The following ILDR2 variants were observed in gnomAD, a reference collection of about 807,000 sequenced individuals.
The protein encoded by ILDR2 is immunoglobulin-like domain-containing receptor 2.
ILDR2 carries 25 observed loss-of-function variants against 66.8 expected under a neutral mutation model. The ratio of observed to expected loss-of-function variants is 0.37; its 90% CI spans 0.27 to 0.52. The LOEUF is 0.52. ILDR2 is among the 20% of genes least tolerant of loss of function. ILDR2 has a pLI of 0.88. For missense variants in ILDR2, 827 were observed against 876.8 expected (o/e 0.94, Z 0.72); for synonymous variants, 367 against 357.2 (o/e 1.03, Z -0.31).
intron 3 of ILDR2, among the ~76,000 whole-genome samples, chr1:166,950,291 A>G (rs1168653781): frequency 6.6e-6 from 1 of 152,208 alleles, no homozygotes; most frequent in East Asian, 1.9e-4. Flanking sequence ...TCAAAGTTTT[A>G]GCAGGCAACA....
At chr1:166,902,129 G>A (rs1557919124) in intron 2 of ILDR2, among the ~76,000 whole-genome samples, 1 of 152,184 alleles carries the variant, frequency 6.6e-6, no homozygotes, top group African/African-American at 2.4e-5. Flanking sequence ...CAAAGTGCTG[G>A]GATTAGAGGC....
At chr1:166,972,718 G>A (rs1255573042) in intron 1 of ILDR2, among the ~76,000 whole-genome samples, 2 of 152,062 alleles carry the variant, frequency 1.3e-5, no homozygotes, top group Non-Finnish European at 2.9e-5. Flanking sequence ...GAAGGGAGAG[G>A]AGGAGAAATA....
chr1:166,927,768 CTA>C (rs759032496), intron 6 of ILDR2, among the ~76,000 whole-genome samples: 8 of 152,182 alleles, frequency 5.3e-5, no homozygotes, highest in East Asian at 3.8e-4. Context: ...AAAATTCAAA[CTA>C]TGTGGATTTT....
chr1:166,921,349 C>A lies in ILDR2; in HGVS notation c.1242G>T (p.Ser414=). 3.8e-6 allele frequency: 6 copies of A among 1,579,116 alleles called. No homozygotes were observed. Among genetic ancestry groups the A allele is most frequent in the Middle Eastern group, 1.7e-4 (1 of 5,962 alleles). Residue 414 remains serine, a synonymous_variant, in exon 9 of 10, where the codon TCG becomes TCT. Transcript: ENST00000271417. The surrounding 1 kb of genome is among the most constrained non-coding windows in gnomAD (Gnocchi z 5.3). The stretch of plus-strand genomic sequence containing the variant: ...GCACCCCCGTGGCGAAGTTCTTCCG[C>A]GACAGCATCTCCGACTTGGAGCGCG... ...SQPRSKSEML[S]RKNFATGVPA...
intron 7 of ILDR2, among the ~76,000 whole-genome samples, chr1:166,926,229 C>G (rs1660278603): frequency 6.6e-6 from 1 of 152,062 alleles, no homozygotes; most frequent in Admixed American, 6.5e-5. Context: ...GACCTCACTT[C>G]CACACCCGCC....
In ILDR2 at chr1:166,935,344, T is replaced by A. The variant is rs1660884296; in HGVS notation, c.837A>T (p.Pro279=). Residue 279 remains proline (P), a synonymous_variant, in exon 6 of 10, where the codon CCA becomes CCT. Transcript: ENST00000271417. ...TGGAGTCACTTGGTGCCAAGGGAGG[T>A]GGATGCGGCTTGTCCATCAGCATGC... is the stretch of plus-strand genomic sequence containing the variant. ...SSGMLMDKPH[P]PPLAPSDSTG... is the part of the protein sequence containing the mutation. The A allele has an allele frequency of 6.2e-7, 1 of 1,613,292 alleles. No individual in the cohort carries two copies. Among genetic ancestry groups the A allele is most frequent in the Non-Finnish European group, 8.5e-7 (1 of 1,179,844 alleles).
chr1:166,896,985 T>C (rs1440177554), intron 2 of ILDR2, among the ~76,000 whole-genome samples: 1 of 152,216 alleles, frequency 6.6e-6, no homozygotes, highest in East Asian at 1.9e-4. Flanking sequence ...TGAAATTACA[T>C]ATGCAGCTTA....
At chr1:166,898,262 A>G (rs766084236) in intron 2 of ILDR2, among the ~76,000 whole-genome samples, 1 of 152,202 alleles carries the variant, frequency 6.6e-6, no homozygotes, top group Non-Finnish European at 1.5e-5. Context: ...CTGGAGACAA[A>G]GACTTAGAAG....
chr1:166,959,918 G>T (rs543593108), intron 1 of ILDR2, among the ~76,000 whole-genome samples: 2 of 152,292 alleles, frequency 1.3e-5, no homozygotes, highest in African/African-American at 4.8e-5. Context: ...AGTAGCTTGG[G>T]GCAGAGACAT....
chr1:166,941,787 T>A (rs1304360038), intron 3 of ILDR2, among the ~76,000 whole-genome samples: 1 of 152,236 alleles, frequency 6.6e-6, no homozygotes, highest in Admixed American at 6.5e-5. Context: ...GTTTTAAACA[T>A]CTCTGGATAT....
intron 2 of ILDR2, among the ~76,000 whole-genome samples, chr1:166,957,468 A>G (rs1662347180): frequency 6.6e-6 from 1 of 152,156 alleles, no homozygotes; most frequent in Admixed American, 6.5e-5. Flanking sequence ...TTTTTCCCCT[A>G]AAACCCGTGT....
At position 166,919,320 on chromosome 1, in the gene ILDR2, C is replaced by T; in HGVS notation, c.*35G>A. 1 of 1,597,410 alleles carries T rather than the reference C, an allele frequency of 6.3e-7. No homozygotes were observed. The highest frequency in any genetic ancestry group is 8.6e-7 in the Non-Finnish European group (1 of 1,165,944). On this transcript the variant is annotated 3_prime_UTR_variant, in exon 10 of 10. Transcript: ENST00000271417. ...TGTGTCTTGTCCCCGTAGTCCATGTCTGATTTCTCATTATCCAGAGAAATG... is the reference window on the plus strand; with the variant it reads ...TGTGTCTTGTCCCCGTAGTCCATGTTTGATTTCTCATTATCCAGAGAAATG...
intron 1 of ILDR2, among the ~76,000 whole-genome samples, chr1:166,959,251 C>T (rs576286506): frequency 6.6e-6 from 1 of 152,218 alleles, no homozygotes; most frequent in African/African-American, 2.4e-5. Flanking sequence ...GTACACCCAG[C>T]ATTTTCTTCT....
chr1:166,900,650 C>T (rs753126768), intron 2 of ILDR2, among the ~76,000 whole-genome samples: 29 of 152,082 alleles, frequency 1.9e-4, no homozygotes, highest in Non-Finnish European at 2.6e-4. Context: ...GTGGCAAAGA[C>T]GGGATTTGAA....
chr1:166,956,900 A>G (rs1662313908), intron 2 of ILDR2, 48 bp from the exon 3 acceptor site: 10 of 1,598,368 alleles, frequency 6.3e-6, no homozygotes, highest in Non-Finnish European at 8.5e-6. Flanking sequence ...TGTCCTCTGA[A>G]AGAAAAACAC....
intron 6 of ILDR2, 45 bp from the exon 7 acceptor site, chr1:166,927,225 CAGG>C (rs1255980410): frequency 3.1e-6 from 4 of 1,296,762 alleles, no homozygotes; most frequent in African/African-American, 3.0e-5. Context: ...AGGAAAATAT[CAGG>C]AGAAGGAGGC....
rs1659921359 is a variant in ILDR2, at chr1:166,921,289, A to G, written c.1302T>C (p.Ala434=). ...GGCGGGGCCGCTGGCCGTAGGAGTCAGCGAAGGCCGCCAGCTCGTCCATGG... is the reference window on the plus strand; with the variant it reads ...GGCGGGGCCGCTGGCCGTAGGAGTCGGCGAAGGCCGCCAGCTCGTCCATGG... ...AVSMDELAAF[A]DSYGQRPRRA... is the part of the protein sequence containing the mutation. Residue 434 remains alanine (A), a synonymous_variant, in exon 9 of 10, where the codon GCT becomes GCC. Coordinates refer to ENST00000271417, the MANE Select transcript of ILDR2 (RefSeq NM_199351.3). The surrounding 1 kb of genome is among the most constrained non-coding windows in gnomAD (Gnocchi z 5.3). The G allele has an allele frequency of 1.3e-6, 2 of 1,598,062 alleles. No homozygotes were observed. The highest frequency in any genetic ancestry group is 1.7e-6 in the Non-Finnish European group (2 of 1,171,488).
At chr1:166,934,730 TC>T (rs1313376538) in intron 6 of ILDR2, among the ~76,000 whole-genome samples, 1 of 152,234 alleles carries the variant, frequency 6.6e-6, no homozygotes, top group East Asian at 1.9e-4. Context: ...ACGCTGACCT[TC>T]CCACTTGGGG....
intron 2 of ILDR2, among the ~76,000 whole-genome samples, chr1:166,899,513 G>A (rs182787401): frequency 1.5e-4 from 23 of 152,296 alleles, no homozygotes; most frequent in African/African-American, 4.6e-4. Context: ...TTATGTGATT[G>A]TGTAAGCTGT....
Sources: gnomAD v4.1 joint callset for allele counts (sites outside exome capture counted in the v4.1 genomes callset) on GRCh38, gnomAD v4.1.1 for gene constraint, Gnocchi (gnomAD v3.1) non-coding constraint, MANE v1.5 for transcripts, NCBI Gene and HGNC (gene_info 2026-07-23, HGNC 2026-07-21) for gene names.